GTF2A1L: variants seen among roughly 807,000 people sequenced by gnomAD.
GTF2A1L encodes the protein general transcription factor IIA subunit 1 like.
GTF2A1L carries 48 observed loss-of-function variants against 49.7 expected under a neutral mutation model. That is an observed-to-expected ratio of 0.97 (90% CI 0.77 to 1.23). The LOEUF (loss-of-function observed/expected upper bound fraction) is 1.23. Ranked by LOEUF, GTF2A1L falls within the 50% of genes most tolerant of loss-of-function variation. The pLI, the probability that GTF2A1L is intolerant of heterozygous loss-of-function variation, is 0.00. For synonymous variants in GTF2A1L, 246 were observed against 193.5 expected (o/e 1.27, Z -2.25); for missense variants, 736 against 564.8 (o/e 1.30, Z -3.07).
At chr2:48,648,777 T>C (rs1677680680) in intron 6 of GTF2A1L, among the ~76,000 whole-genome samples, 1 of 152,152 alleles carries the variant, frequency 6.6e-6, no homozygotes, top group South Asian at 2.1e-4. Context: ...TTCATGTAAC[T>C]TGTTTGTTAG....
chr2:48,666,339 G>T (rs1461439125), intron 6 of GTF2A1L, among the ~76,000 whole-genome samples: 1 of 151,938 alleles, frequency 6.6e-6, no homozygotes, highest in Non-Finnish European at 1.5e-5. Context: ...CTGAAGAGCT[G>T]GGATTACAGG....
intron 6 of GTF2A1L, among the ~76,000 whole-genome samples, chr2:48,664,655 G>A (rs773673226): frequency 1.3e-5 from 2 of 152,090 alleles, no homozygotes; most frequent in African/African-American, 4.8e-5. Context: ...TTGTGGGAAG[G>A]TTTTTAATGG....
At chr2:48,640,935 C>T (rs950507424) in intron 3 of GTF2A1L, among the ~76,000 whole-genome samples, 1 of 152,088 alleles carries the variant, frequency 6.6e-6, no homozygotes, top group Non-Finnish European at 1.5e-5. Flanking sequence ...GTAGGAGCTG[C>T]ATGAAACTTC....
chr2:48,677,236 A>G (rs867953654), intron 8 of GTF2A1L, among the ~76,000 whole-genome samples: 5 of 151,934 alleles, frequency 3.3e-5, no homozygotes, highest in African/African-American at 9.7e-5. Context: ...TTCAAAATAA[A>G]ACCCTGTTGG....
intron 3 of GTF2A1L, among the ~76,000 whole-genome samples, chr2:48,639,183 A>C (rs1677068463): frequency 6.6e-6 from 1 of 152,202 alleles, no homozygotes; most frequent in Non-Finnish European, 1.5e-5. Context: ...AATTCTTCAC[A>C]GAGCTGGAAA....
intron 3 of GTF2A1L, among the ~76,000 whole-genome samples, chr2:48,636,487 G>A (rs573272250): frequency 6.6e-6 from 1 of 152,168 alleles, no homozygotes; most frequent in Admixed American, 6.5e-5. Context: ...CACTTGCAAG[G>A]TTTGGTGCTA....
At chr2:48,632,926 C>T in intron 3 of GTF2A1L, 1 of 237,002 alleles carries the variant, frequency 4.2e-6, no homozygotes, top group Admixed American at 5.8e-5. Context: ...GGTAGAGCAA[C>T]TATGCCATCT....
At position 48,669,824 on chromosome 2, in the gene GTF2A1L, A is replaced by G; in HGVS notation, c.1081A>G (p.Ile361Val). ...GSGDTSSNEE[I>V]GSTRDADENE... is the part of the protein sequence containing the mutation. ...CGGTGATACATCTTCCAATGAAGAAATAGGAAGTACAAGAGATGCAGATGA... is the reference window on the plus strand; with the variant it reads ...CGGTGATACATCTTCCAATGAAGAAGTAGGAAGTACAAGAGATGCAGATGA... Residue 361 changes from isoleucine (I) to valine (V), a missense_variant, in exon 7 of 9, where the codon ATA becomes GTA. Physicochemically the swap from Ile to Val is conservative, Grantham distance 29. Transcript: ENST00000403751. The G allele has an allele frequency of 1.9e-6, 3 of 1,614,092 alleles. No individual in the cohort carries two copies. The highest frequency in any genetic ancestry group is 1.1e-5 in the South Asian group (1 of 91,082).
At chr2:48,632,239 A>C (rs1676621886) in intron 3 of GTF2A1L, 1 of 152,204 alleles carries the variant, frequency 6.6e-6, no homozygotes, top group Non-Finnish European at 1.5e-5. Flanking sequence ...TGATAGTCTT[A>C]TTCATCCTAG....
chr2:48,672,501 G>A (rs1055104233), intron 8 of GTF2A1L, among the ~76,000 whole-genome samples: 6 of 152,156 alleles, frequency 3.9e-5, no homozygotes, highest in African/African-American at 1.4e-4. Flanking sequence ...GTAAAAGTGG[G>A]TAGGGCAGAC....
chr2:48,634,445 G>T (rs767263841), intron 3 of GTF2A1L, among the ~76,000 whole-genome samples: 8 of 152,150 alleles, frequency 5.3e-5, no homozygotes, highest in African/African-American at 1.2e-4. Flanking sequence ...TCATGAAATT[G>T]TTAGCTGGTT....
intron 6 of GTF2A1L, among the ~76,000 whole-genome samples, chr2:48,647,953 G>A (rs1046348883): frequency 8.5e-5 from 13 of 152,060 alleles, no homozygotes; most frequent in African/African-American, 2.9e-4. Context: ...CCAGCTAGTG[G>A]TTTAGCCATC....
intron 6 of GTF2A1L, 161 bp downstream of exon 6, chr2:48,647,203 T>G (rs996791102): frequency 5.3e-5 from 34 of 647,308 alleles, no homozygotes; most frequent in Non-Finnish European, 6.8e-5. Context: ...AAAAAATTTT[T>G]AATTGTGATA....
intron 6 of GTF2A1L, among the ~76,000 whole-genome samples, chr2:48,650,430 A>G (rs1026349061): frequency 6.6e-6 from 1 of 152,212 alleles, no homozygotes; most frequent in African/African-American, 2.4e-5. Flanking sequence ...AGAACCACTG[A>G]TGTAGCTCAA....
At chr2:48,647,436 G>T (rs1272207978) in intron 6 of GTF2A1L, among the ~76,000 whole-genome samples, 2 of 152,010 alleles carry the variant, frequency 1.3e-5, no homozygotes, top group Non-Finnish European at 2.9e-5. Flanking sequence ...TGTTTTAAAA[G>T]GTAATCTGTT....
intron 6 of GTF2A1L, among the ~76,000 whole-genome samples, chr2:48,663,214 G>A (rs944786967): frequency 1.3e-5 from 2 of 152,044 alleles, no homozygotes; most frequent in Admixed American, 6.6e-5. Flanking sequence ...AAGGAGGATT[G>A]CTTGAGTTCA....
At chr2:48,633,283 T>G (rs113570054) in intron 3 of GTF2A1L, 1 of 154,912 alleles carries the variant, frequency 6.5e-6, no homozygotes, top group South Asian at 2.0e-4. Flanking sequence ...GCACAGCCAG[T>G]CTGCAATCTC....
intron 3 of GTF2A1L, among the ~76,000 whole-genome samples, chr2:48,634,363 G>A (rs952442622): frequency 2.0e-5 from 3 of 152,002 alleles, no homozygotes; most frequent in Admixed American, 6.6e-5. Flanking sequence ...TGCCTGCCTC[G>A]GCCTCCCAAA....
chr2:48,646,444 C>A lies in GTF2A1L; in HGVS notation c.389-9C>A. On this transcript the variant is annotated splice_polypyrimidine_tract_variant and intron_variant, in intron 5 of 8. Coordinates refer to ENST00000403751, the MANE Select transcript of GTF2A1L (RefSeq NM_006872.5). ...ATTATACTTACAATTTTGCTTTCTC[C>A]TTTTTAAGGTCACCTTTATAAAGTC... 6.5e-7 allele frequency: 1 copy of A among 1,533,160 alleles called. No homozygotes were observed. The highest frequency in any genetic ancestry group is 8.7e-7 in the Non-Finnish European group (1 of 1,144,832). The allele number at this position is 1,533,160 out of a possible 1,614,324, so 95.0% of individuals were successfully genotyped here. A position where few individuals can be genotyped will look rare whatever the true frequency, so the allele number is the denominator to read the frequency against.
Sources: gnomAD v4.1 joint callset for allele counts (sites outside exome capture counted in the v4.1 genomes callset) on GRCh38, gnomAD v4.1.1 for gene constraint, MANE v1.5 for transcripts, NCBI Gene and HGNC (gene_info 2026-07-23, HGNC 2026-07-21) for gene names.